The following RAD54L variants were observed in gnomAD, a reference collection of about 807,000 sequenced individuals.
RAD54L encodes the protein DNA repair and recombination protein RAD54-like.
Under a neutral mutation model 91.6 loss-of-function variants are expected in RAD54L, and 74 were observed. The ratio of observed to expected loss-of-function variants is 0.81; its 90% CI spans 0.67 to 0.98. The LOEUF is 0.98. Ranked by LOEUF, RAD54L falls within the 50% of genes least tolerant of loss-of-function variation. RAD54L has a pLI of 0.00. For missense variants in RAD54L, 887 were observed against 945.7 expected, an observed-to-expected ratio of 0.94 and a Z score of 0.81; for synonymous variants, 304 against 349.7, an observed-to-expected ratio of 0.87 and a Z score of 1.46.
intron 3 of RAD54L, among the ~76,000 whole-genome samples, chr1:46,250,572 ATCTG>A (rs1171508718): frequency 1.3e-5 from 2 of 152,190 alleles, no homozygotes; most frequent in East Asian, 1.9e-4. Context: ...GGTGGAGCAG[ATCTG>A]TCTATCTCCA....
chr1:46,256,426 A>G (rs1659942212), intron 3 of RAD54L, among the ~76,000 whole-genome samples: 1 of 152,056 alleles, frequency 6.6e-6, no homozygotes, highest in African/African-American at 2.4e-5. Context: ...ATTGCTATTC[A>G]TAGTTACAGT....
At chr1:46,274,777 A>G in intron 16 of RAD54L, 60 bp downstream of exon 16, 8 of 1,600,632 alleles carry the variant, frequency 5.0e-6, no homozygotes, top group Non-Finnish European at 6.8e-6. Context: ...CTTCAGGACC[A>G]TCTTGTTCCT....
intron 3 of RAD54L, among the ~76,000 whole-genome samples, chr1:46,257,876 G>A (rs1270534864): frequency 6.6e-6 from 1 of 152,170 alleles, no homozygotes. Context: ...ACTTGAGAAA[G>A]TGACTTAATC....
chr1:46,268,820 CAG>C (rs771760503), intron 9 of RAD54L, among the ~76,000 whole-genome samples: 6 of 152,160 alleles, frequency 3.9e-5, no homozygotes, highest in Non-Finnish European at 7.4e-5. Flanking sequence ...GGCTGGAGTA[CAG>C]CGTTGCAGTC....
chr1:46,276,768 A>G (rs1323660994), intron 16 of RAD54L, among the ~76,000 whole-genome samples: 1 of 152,176 alleles, frequency 6.6e-6, no homozygotes, highest in East Asian at 1.9e-4. Flanking sequence ...CTCTTCGAAG[A>G]CAAGATTAAG....
rs1490874826 is a variant in RAD54L, at chr1:46,248,381, G to A, written c.-25G>A. On this transcript the variant is annotated 5_prime_UTR_variant, in exon 1 of 18. The change abolishes the stop of an existing upstream ORF in the 5' untranslated region. Transcript: ENST00000371975. ...TTTGACCTTTGGCTCATGGGTACTT[G>A]ACGTTTTAAACTCCTAGGCCCAGGA... 9 of 1,613,384 alleles carry A rather than the reference G, an allele frequency of 5.6e-6. No individual in the cohort carries two copies. In the South Asian group the frequency reaches 9.9e-5, roughly 18 times the overall value.
intron 6 of RAD54L, 52 bp from the exon 7 acceptor site, chr1:46,260,675 G>C (rs1660086303): frequency 6.2e-7 from 1 of 1,613,908 alleles, no homozygotes; most frequent in East Asian, 2.2e-5. Context: ...TACCATCCCT[G>C]GGACAGCAGC....
rs2148288028 is a variant in RAD54L at position 46,260,713 on chromosome 1, C to G, written c.478-14C>G. The G allele has an allele frequency of 6.2e-7, 1 of 1,614,176 alleles. No individual in the cohort carries two copies. The highest frequency in any genetic ancestry group is 8.5e-7 in the Non-Finnish European group (1 of 1,180,042). On this transcript the variant is annotated splice_polypyrimidine_tract_variant and intron_variant, in intron 6 of 17. Coordinates refer to ENST00000371975, the MANE Select transcript of RAD54L (RefSeq NM_003579.4). ...CGTAGGTGCCAAAGTGGACTGAAGG[C>G]TGTTATTCTCTAGGGAGTGAAATTC...
At position 46,267,600 on chromosome 1, in the gene RAD54L, G is replaced by A. The variant is rs797044888; in HGVS notation, c.1033G>A (p.Gly345Ser). Residue 345 changes from glycine (G) to serine (S), a missense_variant, in exon 9 of 18, where the codon GGC (glycine) becomes AGC (serine). Transcript: ENST00000371975. ...CAGCTTGGTACATTTTGTTAATTCC[G>A]GCATCCTAGGTAAGAATCTAGCCTT... ...YFSLVHFVNS[G>S]ILGTAHEFKK... 1.1e-5 allele frequency: 17 copies of A among 1,611,098 alleles called. No individual in the cohort carries two copies. Among genetic ancestry groups the A allele is most frequent in the Middle Eastern group, 1.7e-4 (1 of 6,044 alleles).
rs567684772 is a variant in RAD54L, at chr1:46,270,553, T to C, written c.1043-106T>C. 8.7e-5 allele frequency: 129 copies of C among 1,475,338 alleles called. No individual in the cohort carries two copies. The South Asian group carries it at 9.1e-4, about 10-fold the overall frequency. 91.4% of individuals were successfully genotyped at this position (1,475,338 alleles called of 1,614,324 possible). On this transcript the variant is annotated intron_variant, in intron 9 of 17. Coordinates refer to ENST00000371975, the MANE Select transcript of RAD54L (RefSeq NM_003579.4). ...TTGGCCTATATTTTGTTTAGCCTTGTTCTTGGTAGGAAGGCTGGTTTGTGA... is the reference window on the plus strand; with the variant it reads ...TTGGCCTATATTTTGTTTAGCCTTGCTCTTGGTAGGAAGGCTGGTTTGTGA...
chr1:46,248,683 C>A, intron 2 of RAD54L, 85 bp downstream of exon 2: 5 of 1,190,906 alleles, frequency 4.2e-6, no homozygotes, highest in African/African-American at 1.5e-5. Context: ...GTTACATAGC[C>A]AATTCCAGAT....
Position 46,248,250 on chromosome 1 carries a change from A to G in RAD54L, c.-156A>G. On this transcript the variant is annotated 5_prime_UTR_variant, in exon 1 of 18. Transcript: ENST00000371975. ...GTTCCAAACACCAGTTCCTGGATGG[A>G]TTCCCGCCATCCATGCCCCCTCTTT... 1.0e-6 allele frequency: 1 copy of G among 959,026 alleles called. No homozygotes were observed. The highest frequency in any genetic ancestry group is 2.6e-5 in the East Asian group (1 of 38,924). The allele number at this position is 959,026 out of a possible 1,614,324, so 59.4% of individuals were successfully genotyped here.
intron 12 of RAD54L, among the ~76,000 whole-genome samples, chr1:46,273,040 G>A (rs1012618583): frequency 5.3e-5 from 8 of 152,202 alleles, no homozygotes; most frequent in Non-Finnish European, 7.3e-5. Flanking sequence ...CCTGGGATGT[G>A]TCGACTGTTT....
chr1:46,257,182 G>A lies in RAD54L; in HGVS notation c.211-1504G>A, dbSNP rs79562191. 1.1e-3 allele frequency among the ~76,000 whole-genome samples: 157 copies of A among 148,136 alleles called. 2 individuals carry two copies. The South Asian group carries it at 0.017, about 16-fold the overall frequency. On this transcript the variant is annotated intron_variant, in intron 3 of 17. Transcript: ENST00000371975. Reference sequence around the variant, plus strand: ...AAAAAAACCCCAAAAAACAAATAAAGTACATTTGAATTTCTAGACATTGAT... The same window carrying A: ...AAAAAAACCCCAAAAAACAAATAAAATACATTTGAATTTCTAGACATTGAT...
At position 46,260,828 on chromosome 1, in the gene RAD54L, C is replaced by A. The variant is rs369978713; in HGVS notation, c.579C>A (p.Cys193Ter). ...TGGGCCTAGGAAAGACGCTGCAGTG[C>A]ATCACATTGATGTGGACACTTTTAC... ...DEMGLGKTLQ[C>*]ITLMWTLLRQ... is the part of the protein sequence containing the mutation. The change falls in exon 7 of 18, where the codon TGC becomes TGA. Residue 193 changes from cysteine to a stop codon, truncating the protein, a stop_gained. Coordinates refer to ENST00000371975, the MANE Select transcript of RAD54L (RefSeq NM_003579.4). LOFTEE classifies it high-confidence loss of function. The A allele has an allele frequency of 9.3e-6, 15 of 1,614,126 alleles. No individual in the cohort carries two copies. Among genetic ancestry groups the A allele is most frequent in the East Asian group, 2.2e-5 (1 of 44,894 alleles).
At position 46,260,052 on chromosome 1, in the gene RAD54L, G is replaced by C. The variant is rs1056037509; in HGVS notation, c.360G>C (p.Leu120=). Residue 120 remains leucine (L), a synonymous_variant, in exon 5 of 18, where the codon CTG becomes CTC. Coordinates refer to ENST00000371975, the MANE Select transcript of RAD54L (RefSeq NM_003579.4). ...CCCTGGAAAAAGATGCCTTGGTTCT[G>C]TATGAGCCTCCCCCGCTGAGCGCTC... ...HDPLEKDALV[L]YEPPPLSAHD... is the part of the protein sequence containing the mutation. The C allele has an allele frequency of 2.5e-6, 4 of 1,614,206 alleles. No individual in the cohort carries two copies. In the South Asian group the frequency reaches 3.3e-5, roughly 13 times the overall value.
chr1:46,273,795 C>T (rs1017420658), intron 14 of RAD54L, 48 bp downstream of exon 14: 15 of 1,561,366 alleles, frequency 9.6e-6, no homozygotes, highest in African/African-American at 1.4e-5. Context: ...TACCCCTCCC[C>T]TACTGTCTGT....
chr1:46,258,945 C>T (rs377088713), intron 4 of RAD54L, among the ~76,000 whole-genome samples, 199 bp downstream of exon 4: 1 of 152,148 alleles, frequency 6.6e-6, no homozygotes, highest in Non-Finnish European at 1.5e-5. Context: ...ACTAACTGCC[C>T]CTCATCTTCT....
chr1:46,277,377 CTGTTTAAA>C (rs1450357560), intron 16 of RAD54L: 2 of 238,538 alleles, frequency 8.4e-6, no homozygotes, highest in Non-Finnish European at 1.7e-5. Context: ...ATTGTATCAA[CTGTTTAAA>C]TGTTTGTCTA....
Sources: gnomAD v4.1 joint callset for allele counts (sites outside exome capture counted in the v4.1 genomes callset) on GRCh38, gnomAD v4.1.1 for gene constraint, MANE v1.5 for transcripts, NCBI Gene and HGNC (gene_info 2026-07-23, HGNC 2026-07-21) for gene names.